PLXDC2: variants seen among roughly 807,000 people sequenced by gnomAD.
The protein encoded by PLXDC2 is plexin domain containing 2, also known as plexin domain-containing protein 2.
Under a neutral mutation model 68.9 loss-of-function variants are expected in PLXDC2, and 40 were observed. The observed-to-expected ratio is 0.58, with a 90% CI of 0.45 to 0.76. The LOEUF (loss-of-function observed/expected upper bound fraction) is 0.76, where lower values mean the gene tolerates loss of function less well. Among genes scored for constraint, PLXDC2 ranks in the 30% least tolerant of loss-of-function variants. The pLI is 0.00. For synonymous variants in PLXDC2, 243 were observed against 234.2 expected, an observed-to-expected ratio of 1.04 and a Z score of -0.34; for missense variants, 644 against 661.9, an observed-to-expected ratio of 0.97 and a Z score of 0.30.
At chr10:20,237,886 C>T (rs1180017630) in intron 12 of PLXDC2, among the ~76,000 whole-genome samples, 1 of 152,062 alleles carries the variant, frequency 6.6e-6, no homozygotes, top group Non-Finnish European at 1.5e-5. Flanking sequence ...AGAGTTAGTT[C>T]TAAAGTGAAT....
In PLXDC2 at chr10:20,208,656, A is replaced by G. The variant is rs77432804; in HGVS notation, c.1062-3013A>G. ...TCAGATATAGTGGATATTATGATCA[A>G]TATAAGACCCTAGCTTTCAAACGTT... On this transcript the variant is annotated intron_variant, in intron 9 of 13. Coordinates refer to ENST00000377252, the MANE Select transcript of PLXDC2 (RefSeq NM_032812.9). Among the ~76,000 whole-genome samples, 574 of 152,296 alleles carry G rather than the reference A, an allele frequency of 3.8e-3. 2 individuals carry two copies. The highest frequency in any genetic ancestry group is 6.6e-3 in the Non-Finnish European group (449 of 68,022).
intron 4 of PLXDC2, among the ~76,000 whole-genome samples, chr10:20,071,810 G>C (rs891867128): frequency 2.0e-5 from 3 of 152,216 alleles, no homozygotes; most frequent in African/African-American, 4.8e-5. Context: ...AAGAGTCTGG[G>C]AAAGTGATAA....
intron 1 of PLXDC2, among the ~76,000 whole-genome samples, chr10:19,962,766 C>A (rs1448022563): frequency 6.7e-6 from 1 of 148,954 alleles, no homozygotes; most frequent in Non-Finnish European, 1.5e-5. Flanking sequence ...CTGGGCGGAT[C>A]ACGAGGTCAG....
At position 20,219,085 on chromosome 10, in the gene PLXDC2, A is replaced by G; in HGVS notation, c.1295A>G (p.His432Arg). Reference protein sequence around the residue: ...PTEDDTKIALHLKDNGASTDD... With the variant: ...PTEDDTKIALRLKDNGASTDD... The stretch of plus-strand genomic sequence containing the variant: ...CCAGATGATACCAAGATAGCACTAC[A>G]TCTAAAAGATAATGGAGGTAGGAAT... Residue 432 changes from histidine (H) to arginine (R), a missense_variant, in exon 12 of 14, where the codon CAT becomes CGT. Physicochemically the swap from His to Arg is conservative, Grantham distance 29 (BLOSUM62 0). This residue lies in a region of PLXDC2 where 330 missense variants were observed against 327.9 expected (regional missense o/e 1.01). Coordinates refer to ENST00000377252, the MANE Select transcript of PLXDC2 (RefSeq NM_032812.9). 6.2e-7 allele frequency: 1 copy of G among 1,607,432 alleles called. No homozygotes were observed. Among genetic ancestry groups the G allele is most frequent in the Non-Finnish European group, 8.5e-7 (1 of 1,176,708 alleles).
chr10:20,144,707 A>G (rs1421161556), intron 5 of PLXDC2, among the ~76,000 whole-genome samples: 17 of 152,324 alleles, frequency 1.1e-4, no homozygotes, highest in Admixed American at 3.3e-4. Context: ...TATGATTACC[A>G]TGCAAAATTG....
intron 3 of PLXDC2, among the ~76,000 whole-genome samples, chr10:20,059,114 A>G (rs1434364401): frequency 6.6e-6 from 1 of 152,132 alleles, no homozygotes; most frequent in Non-Finnish European, 1.5e-5. Flanking sequence ...ATTCATTTGC[A>G]CCTCGAGGTT....
At chr10:19,833,797 C>T (rs148592565) in intron 1 of PLXDC2, among the ~76,000 whole-genome samples, 31 of 152,110 alleles carry the variant, frequency 2.0e-4, no homozygotes, top group African/African-American at 5.3e-4. Context: ...GTGAATTAAT[C>T]GAAAAGGTAA....
intron 12 of PLXDC2, among the ~76,000 whole-genome samples, chr10:20,225,664 G>T (rs1436589362): frequency 6.6e-6 from 1 of 152,078 alleles, no homozygotes; most frequent in Non-Finnish European, 1.5e-5. Flanking sequence ...TAGAGCTGTG[G>T]TTCTTAACTT....
chr10:19,991,724 A>G (rs1009345495), intron 1 of PLXDC2, among the ~76,000 whole-genome samples: 1 of 152,198 alleles, frequency 6.6e-6, no homozygotes. Flanking sequence ...ATCAGAGTCT[A>G]TCAGACATCT....
chr10:19,951,279 C>T (rs1833987261), intron 1 of PLXDC2, among the ~76,000 whole-genome samples: 1 of 152,066 alleles, frequency 6.6e-6, no homozygotes, highest in Non-Finnish European at 1.5e-5. Flanking sequence ...CTATAAGAAA[C>T]TTAAACAATT....
rs1416218731 is a variant in PLXDC2, at chr10:20,177,001, G to A, written c.886G>A (p.Val296Ile). 1.9e-6 allele frequency: 3 copies of A among 1,587,274 alleles called. No homozygotes were observed. Among genetic ancestry groups the A allele is most frequent in the African/African-American group, 1.4e-5 (1 of 73,492 alleles). The change falls in exon 8 of 14, where the codon GTT becomes ATT. Residue 296 changes from valine (V) to isoleucine (I), a missense_variant and splice_region_variant. Val to Ile is a conservative substitution (Grantham distance 29). This residue lies in a region of PLXDC2 where 330 missense variants were observed against 327.9 expected (regional missense o/e 1.01). Transcript: ENST00000377252. ...ATTTTTTTTCCTTTTTTTTCTAGATGTTCGAAGAAGAACAATTTATGAATA... is the reference window on the plus strand; with the variant it reads ...ATTTTTTTTCCTTTTTTTTCTAGATATTCGAAGAAGAACAATTTATGAATA... ...VVHRIQQIPN[V>I]RRRTIYEYHR... is the part of the protein sequence containing the mutation.
intron 4 of PLXDC2, among the ~76,000 whole-genome samples, chr10:20,123,752 G>A (rs1444478410): frequency 5.9e-5 from 9 of 151,796 alleles, no homozygotes; most frequent in East Asian, 2.0e-4. Context: ...ACAGAGATAC[G>A]AGGTCAGGGC....
chr10:20,028,103 G>A (rs1167028659), intron 2 of PLXDC2, among the ~76,000 whole-genome samples: 5 of 152,210 alleles, frequency 3.3e-5, no homozygotes, highest in African/African-American at 1.2e-4. Context: ...GCATGGTCAT[G>A]TAGAGTACAG....
intron 1 of PLXDC2, among the ~76,000 whole-genome samples, chr10:19,939,505 A>C (rs1833780716): frequency 6.6e-6 from 1 of 152,212 alleles, no homozygotes; most frequent in Non-Finnish European, 1.5e-5. Context: ...GATGCCAAAA[A>C]AAAAGAGAAC....
intron 1 of PLXDC2, among the ~76,000 whole-genome samples, chr10:19,877,361 A>T (rs1837650872): frequency 6.6e-6 from 1 of 152,158 alleles, no homozygotes; most frequent in Non-Finnish European, 1.5e-5. Flanking sequence ...AACTCCATAG[A>T]TTGTTCTTCG....
chr10:19,945,235 G>A (rs7089381), intron 1 of PLXDC2, among the ~76,000 whole-genome samples: 3,797 of 152,104 alleles, frequency 0.025, 158 homozygotes, highest in African/African-American at 0.086. Flanking sequence ...AGATTTCTTG[G>A]CCCTTTAAAG....
intron 2 of PLXDC2, among the ~76,000 whole-genome samples, chr10:20,018,711 C>CT (rs1022502619): frequency 1.5e-4 from 22 of 151,044 alleles, no homozygotes; most frequent in East Asian, 7.8e-4. Context: ...TTTTTTTCTT[C>CT]TTTTTTTTTA....
chr10:20,216,525 G>A (rs181307448), intron 10 of PLXDC2, among the ~76,000 whole-genome samples: 2 of 152,234 alleles, frequency 1.3e-5, no homozygotes, highest in East Asian at 3.9e-4. Flanking sequence ...GCATTAACAA[G>A]GGGAAAGGCA....
intron 1 of PLXDC2, among the ~76,000 whole-genome samples, chr10:19,942,694 G>C (rs1833838599): frequency 6.6e-6 from 1 of 152,200 alleles, no homozygotes; most frequent in African/African-American, 2.4e-5. Context: ...AACCTGGGAG[G>C]CGGAGGTAGT....
Sources: allele counts gnomAD v4.1 joint callset (sites outside exome capture counted in the v4.1 genomes callset), GRCh38; gene constraint gnomAD v4.1.1; regional missense constraint gnomAD v4.1.1; transcripts MANE v1.5; gene names NCBI Gene and HGNC (gene_info 2026-07-23, HGNC 2026-07-21).